BRAF: variants seen among roughly 807,000 people sequenced by gnomAD.
BRAF encodes the protein B-Raf proto-oncogene, serine/threonine kinase, also known as serine/threonine-protein kinase B-raf.
BRAF carries 16 observed loss-of-function variants against 104.6 expected under a neutral mutation model. That is an observed-to-expected ratio of 0.15 (90% CI 0.10 to 0.23). The LOEUF is 0.23. Among genes scored for constraint, BRAF ranks in the 10% least tolerant of loss-of-function variants. The pLI, the probability that BRAF is intolerant of heterozygous loss-of-function variation, is 1.00. For missense variants in BRAF, 541 were observed against 937.3 expected (o/e 0.58, Z 5.52); for synonymous variants, 310 against 341.6 (o/e 0.91, Z 1.02).
At chr7:140,760,950 G>C (rs1471956446) in intron 14 of BRAF, among the ~76,000 whole-genome samples, 1 of 152,166 alleles carries the variant, frequency 6.6e-6, no homozygotes, top group Non-Finnish European at 1.5e-5. Context: ...ATGGAACCAA[G>C]TTGGAAAACA....
At position 140,724,659 on chromosome 7, in the gene BRAF, T is replaced by C; in HGVS notation, c.*1835A>G. On this transcript the variant is annotated 3_prime_UTR_variant, in exon 20 of 20. Coordinates refer to ENST00000644969, the MANE Select transcript of BRAF (RefSeq NM_001374258.1). Reference sequence around the variant, plus strand: ...CAAAAATCTAATGGTAGTGAGCTTTTAGTGGCTGCAATATAGACAGCAGGG... The same window carrying C: ...CAAAAATCTAATGGTAGTGAGCTTTCAGTGGCTGCAATATAGACAGCAGGG... 9.7e-7 allele frequency: 1 copy of C among 1,034,854 alleles called. No homozygotes were observed. The highest frequency in any genetic ancestry group is 6.0e-5 in the East Asian group (1 of 16,636). The allele number at this position is 1,034,854 out of a possible 1,614,324, so 64.1% of individuals were successfully genotyped here. A position where few individuals can be genotyped will look rare whatever the true frequency, so the allele number is the denominator to read the frequency against.
rs1449299713 is a variant in BRAF, at chr7:140,849,798, C to G, written c.240+313G>C. ...CTGCACTCCAGCCTGGGCGACAGAG[C>G]GAGACTCCGTCTCAAAAAAAAATAA... On this transcript the variant is annotated intron_variant, in intron 2 of 19. Coordinates refer to ENST00000644969, the MANE Select transcript of BRAF (RefSeq NM_001374258.1). 2.0e-5 allele frequency among the ~76,000 whole-genome samples: 3 copies of G among 150,920 alleles called. No homozygotes were observed. In the East Asian group the frequency reaches 5.8e-4, roughly 29 times the overall value.
intron 16 of BRAF, among the ~76,000 whole-genome samples, chr7:140,750,239 A>G (rs1797680024): frequency 6.6e-6 from 1 of 152,198 alleles, no homozygotes; most frequent in Non-Finnish European, 1.5e-5. Context: ...ATATTAATGA[A>G]AAGTTTGTGA....
Position 140,726,275 on chromosome 7 carries a change from T to C in BRAF, c.*219A>G. 1.4e-6 allele frequency: 2 copies of C among 1,410,368 alleles called. No homozygotes were observed. The highest frequency in any genetic ancestry group is 1.8e-6 in the Non-Finnish European group (2 of 1,089,542). 87.4% of individuals were successfully genotyped at this position (1,410,368 alleles called of 1,614,324 possible). A position where few individuals can be genotyped will look rare whatever the true frequency, so the allele number is the denominator to read the frequency against. Reference sequence around the variant, plus strand: ...TGGGCAGACTTGTATGCTCGTGGTATTTTTGTTGAAGAAACACTGGCAGCA... The same window carrying C: ...TGGGCAGACTTGTATGCTCGTGGTACTTTTGTTGAAGAAACACTGGCAGCA... On this transcript the variant is annotated 3_prime_UTR_variant, in exon 20 of 20. Transcript: ENST00000644969.
In BRAF at chr7:140,720,275, G is replaced by C; in HGVS notation, c.*6219C>G. On this transcript the variant is annotated 3_prime_UTR_variant, in exon 20 of 20. Coordinates refer to ENST00000644969, the MANE Select transcript of BRAF (RefSeq NM_001374258.1). ...GTCCTCAAAAATCAGGCGATATCAT[G>C]AAGGCCAAACTGAGTCTATATATGT... is the stretch of plus-strand genomic sequence containing the variant. 1 of 1,062,832 alleles carries C rather than the reference G, an allele frequency of 9.4e-7. No homozygotes were observed. The allele number at this position is 1,062,832 out of a possible 1,614,324, so 65.8% of individuals were successfully genotyped here. A position where few individuals can be genotyped will look rare whatever the true frequency, so the allele number is the denominator to read the frequency against.
chr7:140,802,283 T>C (rs1022575146), intron 5 of BRAF, among the ~76,000 whole-genome samples: 1 of 149,582 alleles, frequency 6.7e-6, no homozygotes, highest in African/African-American at 2.5e-5. Flanking sequence ...CTAATGTGTA[T>C]GTTTGTGTCT....
rs1011563467 is a variant in BRAF at position 140,924,592 on chromosome 7, C to G, written c.112G>C (p.Ala38Pro). ...TCCTCCGGAATGGCAGGGTCCGCAG[C>G]CGAAGAGGCCGCGGCGCCGGCGCCG... is the stretch of plus-strand genomic sequence containing the variant. ...GAGAGAAASS[A>P]ADPAIPEEVW... is the part of the protein sequence containing the mutation. Residue 38 changes from alanine (A) to proline (P), a missense_variant, in exon 1 of 20, where the codon GCT becomes CCT. By Grantham distance (27) the Ala-to-Pro change is conservative (BLOSUM62 -1). Coordinates refer to ENST00000644969, the MANE Select transcript of BRAF (RefSeq NM_001374258.1). This position sits in a 1 kb window ranked among gnomAD's most constrained non-coding sequence, Gnocchi z 4.2. The G allele has an allele frequency of 2.0e-6, 3 of 1,530,144 alleles. No homozygotes were observed. Among genetic ancestry groups the G allele is most frequent in the Non-Finnish European group, 2.6e-6 (3 of 1,144,762 alleles). The allele number at this position is 1,530,144 out of a possible 1,614,324, so 94.8% of individuals were successfully genotyped here.
chr7:140,751,354 A>G (rs1454128091), intron 16 of BRAF, among the ~76,000 whole-genome samples: 1 of 152,182 alleles, frequency 6.6e-6, no homozygotes, highest in African/African-American at 2.4e-5. Context: ...TAGGTTTTGC[A>G]ATTTCAGCAC....
chr7:140,772,344 C>T (rs1349445281), intron 14 of BRAF, among the ~76,000 whole-genome samples: 4 of 151,960 alleles, frequency 2.6e-5, no homozygotes, highest in Non-Finnish European at 4.4e-5. Flanking sequence ...GAAAATAGGC[C>T]GGGCCTGGTG....
At chr7:140,853,953 C>T (rs1809485500) in intron 1 of BRAF, among the ~76,000 whole-genome samples, 1 of 151,992 alleles carries the variant, frequency 6.6e-6, no homozygotes, top group Admixed American at 6.6e-5. Flanking sequence ...AATAAGCAAA[C>T]ATATATTTGT....
chr7:140,896,876 A>AAC (rs1312749500), intron 1 of BRAF, among the ~76,000 whole-genome samples: 1 of 150,606 alleles, frequency 6.6e-6, no homozygotes. Flanking sequence ...AAAAAAAAAA[A>AAC]AAAAAAGGGG....
intron 11 of BRAF, 67 bp downstream of exon 10, chr7:140,782,954 T>C (rs1801020256): frequency 6.5e-7 from 1 of 1,547,226 alleles, no homozygotes; most frequent in Non-Finnish European, 8.9e-7. Flanking sequence ...TAAAGGATAA[T>C]ATTACATTTG....
At chr7:140,816,975 G>GA (rs922471111) in intron 3 of BRAF, among the ~76,000 whole-genome samples, 42 of 141,372 alleles carry the variant, frequency 3.0e-4, no homozygotes, top group East Asian at 2.0e-3. Flanking sequence ...TTGGATAAGA[G>GA]AAAAAAAAAA....
chr7:140,840,288 C>A (rs1284026180), intron 2 of BRAF, among the ~76,000 whole-genome samples: 1 of 152,108 alleles, frequency 6.6e-6, no homozygotes, highest in African/African-American at 2.4e-5. Flanking sequence ...AGGCAATGGT[C>A]TCTCATGTAT....
At chr7:140,819,743 T>C (rs902692173) in intron 3 of BRAF, among the ~76,000 whole-genome samples, 2 of 152,174 alleles carry the variant, frequency 1.3e-5, no homozygotes, top group Admixed American at 6.5e-5. Context: ...AAACACATAT[T>C]GTATGATTTC....
rs778924843 is a variant in BRAF at position 140,867,417 on chromosome 7, A to C, written c.139-17205T>G. Among the ~76,000 whole-genome samples the C allele has an allele frequency of 5.5e-4, 84 of 152,212 alleles. 1 individual carries two copies. Among genetic ancestry groups the C allele is most frequent in the Non-Finnish European group, 2.2e-4 (15 of 68,040 alleles). On this transcript the variant is annotated intron_variant, in intron 1 of 19. Transcript: ENST00000644969. ...ATGGATCAATGTAGATTAATTTTTC[A>C]TTCAACAAATATTTAATGAGTGCCA...
chr7:140,834,776 T>C lies in BRAF; in HGVS notation c.337A>G (p.Ser113Gly). Residue 113 changes from serine to glycine, a missense_variant, in exon 3 of 20, where the codon AGC becomes GGC. Physicochemically the swap from Ser to Gly is moderately conservative, Grantham distance 56. This residue lies in a region of BRAF where 86 missense variants were observed against 133.9 expected (regional missense o/e 0.64). Coordinates refer to ENST00000644969, the MANE Select transcript of BRAF (RefSeq NM_001374258.1). ...GTAACGGTATCCATTGATGCAGAGC[T>C]AGAAACAGAAAAATCAGTTCCGTTC... ...LGNGTDFSVSSSASMDTVTSS... is the reference protein window; with the variant it reads ...LGNGTDFSVSGSASMDTVTSS... 1.2e-6 allele frequency: 2 copies of C among 1,614,170 alleles called. No individual in the cohort carries two copies. Among genetic ancestry groups the C allele is most frequent in the Non-Finnish European group, 1.7e-6 (2 of 1,180,004 alleles).
downstream of BRAF, among the ~76,000 whole-genome samples, chr7:140,714,803 A>G (rs1795101068): frequency 6.6e-6 from 1 of 152,136 alleles, no homozygotes; most frequent in Non-Finnish European, 1.5e-5. Flanking sequence ...CTGTGGAGGA[A>G]ATGGCACTGG....
chr7:140,726,572 A>G, intron 19 of BRAF: 1 of 1,402,588 alleles, frequency 7.1e-7, no homozygotes. Context: ...TAACCTAGAG[A>G]CACAGAAAAG....
Sources: gnomAD v4.1 joint callset for allele counts (sites outside exome capture counted in the v4.1 genomes callset) on GRCh38, gnomAD v4.1.1 for gene constraint, gnomAD v4.1.1 regional missense constraint, Gnocchi (gnomAD v3.1) non-coding constraint, MANE v1.5 for transcripts, NCBI Gene and HGNC (gene_info 2026-07-23, HGNC 2026-07-21) for gene names.